Variants in CTNNA2 observed in about 807,000 individuals in gnomAD.
The protein encoded by CTNNA2 is catenin alpha 2, also known as catenin alpha-2.
In CTNNA2, 42 loss-of-function variants were observed where a neutral mutation model predicts 101.0. The observed-to-expected ratio is 0.42, with a 90% CI of 0.32 to 0.54. The LOEUF is 0.54. CTNNA2 is among the 20% of genes least tolerant of loss of function. The probability of loss-of-function intolerance (pLI) is 0.14; values close to 1 mark genes in which losing one functional copy is unlikely to be tolerated. For missense variants in CTNNA2, 871 were observed against 1,223.1 expected (o/e 0.71, Z 4.29); for synonymous variants, 450 against 456.4 (o/e 0.99, Z 0.18).
At chr2:80,552,263 G>T (rs541293353) in intron 11 of CTNNA2, among the ~76,000 whole-genome samples, 17 of 152,178 alleles carry the variant, frequency 1.1e-4, no homozygotes, top group Admixed American at 1.0e-3. Flanking sequence ...ACATGCTGTT[G>T]GAACAATGGC....
At chr2:80,382,216 C>T (rs1676577857) in intron 7 of CTNNA2, among the ~76,000 whole-genome samples, 2 of 152,150 alleles carry the variant, frequency 1.3e-5, no homozygotes, top group Admixed American at 6.5e-5. Context: ...ATAGCCAATA[C>T]ATATTTATAT....
chr2:80,276,348 C>T (rs1488286692), intron 7 of CTNNA2, among the ~76,000 whole-genome samples: 2 of 152,190 alleles, frequency 1.3e-5, no homozygotes, highest in African/African-American at 2.4e-5. Flanking sequence ...ACTTGGATTT[C>T]TGCCCGGCTG....
intron 4 of CTNNA2, among the ~76,000 whole-genome samples, chr2:79,473,578 G>A (rs1671023602): frequency 6.6e-6 from 1 of 152,104 alleles, no homozygotes; most frequent in African/African-American, 2.4e-5. Context: ...GAAATTATGT[G>A]TGCTAGAAAA....
intron 12 of CTNNA2, among the ~76,000 whole-genome samples, chr2:80,566,443 C>A (rs1001790809): frequency 4.6e-5 from 7 of 152,084 alleles, no homozygotes; most frequent in Non-Finnish European, 8.8e-5. Context: ...TACATATTTG[C>A]AAATACATGA....
chr2:79,785,479 C>G (rs373335681), intron 3 of CTNNA2, among the ~76,000 whole-genome samples: 2 of 152,106 alleles, frequency 1.3e-5, no homozygotes, highest in African/African-American at 2.4e-5. Context: ...TTCTTACCAG[C>G]GAGGCCTCCC....
At chr2:80,363,930 G>A (rs985335265) in intron 7 of CTNNA2, among the ~76,000 whole-genome samples, 25 of 152,014 alleles carry the variant, frequency 1.6e-4, no homozygotes, top group Non-Finnish European at 3.2e-4. Flanking sequence ...CACTTGTGTC[G>A]CTTACCCAAT....
At chr2:80,271,643 C>T (rs1673497193) in intron 7 of CTNNA2, among the ~76,000 whole-genome samples, 2 of 152,064 alleles carry the variant, frequency 1.3e-5, no homozygotes, top group African/African-American at 4.8e-5. Context: ...AGGATGGTCT[C>T]GATCTCCTGA....
At chr2:79,960,895 G>A (rs2060396) in intron 7 of CTNNA2, among the ~76,000 whole-genome samples, 52,999 of 152,000 alleles carry the variant, frequency 0.35, 10,451 homozygotes, top group African/African-American at 0.53. Context: ...TTAAAGGACA[G>A]GCATGTATTT....
chr2:79,657,865 C>T (rs1263670249), intron 2 of CTNNA2, among the ~76,000 whole-genome samples: 1 of 151,492 alleles, frequency 6.6e-6, no homozygotes, highest in Non-Finnish European at 1.5e-5. Flanking sequence ...TAGAATTTTG[C>T]AGTTATTTCT....
chr2:79,823,036 A>C (rs1433077190), intron 3 of CTNNA2, among the ~76,000 whole-genome samples: 1 of 152,162 alleles, frequency 6.6e-6, no homozygotes, highest in Non-Finnish European at 1.5e-5. Flanking sequence ...GATGTCAGTA[A>C]AATGTCCTTT....
intron 9 of CTNNA2, among the ~76,000 whole-genome samples, chr2:80,476,571 A>G (rs1685746430): frequency 6.6e-6 from 1 of 152,168 alleles, no homozygotes; most frequent in African/African-American, 2.4e-5. Flanking sequence ...GGGGTTTAAG[A>G]ATTATTAAAT....
intron 17 of CTNNA2, chr2:80,612,888 A>T: frequency 6.6e-6 from 1 of 151,550 alleles, no homozygotes; most frequent in East Asian, 1.9e-4. Context: ...TCATTTGAAC[A>T]AAAGGGTAGA....
intron 12 of CTNNA2, among the ~76,000 whole-genome samples, chr2:80,562,462 A>C (rs2149676953): frequency 6.6e-6 from 1 of 152,284 alleles, no homozygotes; most frequent in Admixed American, 6.5e-5. Context: ...AAGTTCTATA[A>C]TATATATACT....
In CTNNA2 at chr2:80,608,230, G is replaced by A; in HGVS notation, c.2342G>A (p.Arg781Gln). 6.2e-7 allele frequency: 1 copy of A among 1,610,660 alleles called. No individual in the cohort carries two copies. The highest frequency in any genetic ancestry group is 8.5e-7 in the Non-Finnish European group (1 of 1,177,706). The change falls in exon 17 of 19, where the codon CGA becomes CAA. Residue 781 changes from arginine (R) to glutamine (Q), a missense_variant. Around this residue, in one of 5 missense-constraint regions of CTNNA2, gnomAD observed 93 missense variants for 223.7 expected, o/e 0.42. Coordinates refer to ENST00000402739, the MANE Select transcript of CTNNA2 (RefSeq NM_001282597.3). ...CKQDLLAYLQ[R>Q]IALYCHQLNI... The stretch of plus-strand genomic sequence containing the variant: ...CAGGATTTATTAGCCTACCTTCAAC[G>A]AATTGCCTTGTATTGCCATCAGCTT...
At chr2:80,346,490 A>T (rs907194322) in intron 7 of CTNNA2, among the ~76,000 whole-genome samples, 13 of 152,268 alleles carry the variant, frequency 8.5e-5, no homozygotes, top group African/African-American at 3.1e-4. Flanking sequence ...TGATCCGAAC[A>T]CCTTCCACCA....
At chr2:79,660,259 G>GTATCCA in intron 2 of CTNNA2, among the ~76,000 whole-genome samples, 1 of 148,964 alleles carries the variant, frequency 6.7e-6, no homozygotes, top group South Asian at 2.1e-4. Flanking sequence ...ATATACATAT[G>GTATCCA]TATGTATATA....
At chr2:80,295,463 A>G (rs1297821156) in intron 7 of CTNNA2, among the ~76,000 whole-genome samples, 1 of 152,112 alleles carries the variant, frequency 6.6e-6, no homozygotes, top group Non-Finnish European at 1.5e-5. Context: ...TTTTTAACCT[A>G]TATCTGCTCA....
At chr2:80,185,171 A>G (rs1429997771) in intron 7 of CTNNA2, among the ~76,000 whole-genome samples, 1 of 152,132 alleles carries the variant, frequency 6.6e-6, no homozygotes, top group Admixed American at 6.6e-5. Flanking sequence ...ATCCACTCCA[A>G]GTTAATTTGT....
chr2:79,492,917 A>G (rs1370005213), intron 4 of CTNNA2, among the ~76,000 whole-genome samples: 1 of 152,234 alleles, frequency 6.6e-6, no homozygotes, highest in East Asian at 1.9e-4. Context: ...TCTGAAATCA[A>G]TCAATGTAAC....
Sources: gnomAD v4.1 joint callset for allele counts (sites outside exome capture counted in the v4.1 genomes callset) on GRCh38, gnomAD v4.1.1 for gene constraint, gnomAD v4.1.1 regional missense constraint, MANE v1.5 for transcripts, NCBI Gene and HGNC (gene_info 2026-07-23, HGNC 2026-07-21) for gene names.